Variants in MTF2 observed in about 807,000 individuals in gnomAD.
The protein encoded by MTF2 is metal response element binding transcription factor 2, also known as metal-response element-binding transcription factor 2.
In MTF2, 11 loss-of-function variants were observed where a neutral mutation model predicts 79.5. That is an observed-to-expected ratio of 0.14 (90% confidence interval 0.09 to 0.23). The LOEUF is 0.23. Among genes scored for constraint, MTF2 ranks in the 10% least tolerant of loss-of-function variants. The pLI, the probability that MTF2 is intolerant of heterozygous loss-of-function variation, is 1.00. For synonymous variants in MTF2, 208 were observed against 232.8 expected (o/e 0.89, Z 0.97); for missense variants, 486 against 711.2 (o/e 0.68, Z 3.60).
At chr1:93,103,399 GAA>G (rs1557547717) in intron 1 of MTF2, among the ~76,000 whole-genome samples, 1 of 151,466 alleles carries the variant, frequency 6.6e-6, no homozygotes, top group Non-Finnish European at 1.5e-5. Flanking sequence ...AGCAGCTGAT[GAA>G]AAGATTATTT....
chr1:93,133,152 A>T (rs1364620771), intron 11 of MTF2, among the ~76,000 whole-genome samples: 1 of 152,010 alleles, frequency 6.6e-6, no homozygotes, highest in African/African-American at 2.4e-5. Context: ...TCTCCTTTAC[A>T]TTCTGCCACT....
At chr1:93,116,323 T>C (rs924248023) in intron 6 of MTF2, among the ~76,000 whole-genome samples, 2 of 149,194 alleles carry the variant, frequency 1.3e-5, no homozygotes, top group Non-Finnish European at 3.0e-5. Context: ...TGGCCTGGAG[T>C]AGCATTTTTA....
chr1:93,120,908 T>C, intron 9 of MTF2: 1 of 1,173,412 alleles, frequency 8.5e-7, no homozygotes, highest in Non-Finnish European at 1.1e-6. Context: ...TATTATTTGA[T>C]TCTTTCATTT....
chr1:93,112,264 C>T (rs1408176363), intron 3 of MTF2, among the ~76,000 whole-genome samples: 3 of 152,120 alleles, frequency 2.0e-5, no homozygotes, highest in Non-Finnish European at 2.9e-5. Flanking sequence ...CTGAAACCTG[C>T]GTTATGGCAT....
chr1:93,090,012 T>C (rs1436458085), intron 1 of MTF2, among the ~76,000 whole-genome samples: 1 of 152,098 alleles, frequency 6.6e-6, no homozygotes, highest in African/African-American at 2.4e-5. Flanking sequence ...AGTCTCGCTC[T>C]GTCCCCCGGG....
chr1:93,133,744 C>T lies in MTF2; in HGVS notation c.1202C>T (p.Ser401Phe), dbSNP rs768160286. 1.9e-6 allele frequency: 3 copies of T among 1,611,562 alleles called. No individual in the cohort carries two copies. Among genetic ancestry groups the T allele is most frequent in the African/African-American group, 1.3e-5 (1 of 74,752 alleles). The part of the protein sequence containing the change: ...NGIEKKGKKK[S>F]VGRPPGPYTR... Reference sequence around the variant, plus strand: ...ATAGAAAAAAAAGGAAAGAAAAAATCTGTAGGTCGTCCACCTGGCCCATAT... The same window carrying T: ...ATAGAAAAAAAAGGAAAGAAAAAATTTGTAGGTCGTCCACCTGGCCCATAT... The change falls in exon 12 of 15, where the codon TCT (serine) becomes TTT (phenylalanine). Residue 401 changes from serine to phenylalanine, a missense_variant. Coordinates refer to ENST00000370298, the MANE Select transcript of MTF2 (RefSeq NM_007358.4).
At chr1:93,133,658 T>G (rs1338349951) in intron 11 of MTF2, 45 bp from the exon 12 acceptor site, 1 of 1,371,376 alleles carries the variant, frequency 7.3e-7, no homozygotes, top group South Asian at 1.3e-5. Context: ...AATGTCTTTG[T>G]TTTCTTTATG....
intron 7 of MTF2, among the ~76,000 whole-genome samples, chr1:93,118,681 T>C (rs773511479): frequency 2.0e-5 from 3 of 152,230 alleles, no homozygotes; most frequent in Non-Finnish European, 4.4e-5. Context: ...CATAGTACTC[T>C]AAAGTATTCT....
chr1:93,120,923 AAGT>A, intron 9 of MTF2: 1 of 1,154,664 alleles, frequency 8.7e-7, no homozygotes, highest in Non-Finnish European at 1.1e-6. Context: ...TCATTTTCTG[AAGT>A]GAAAGTCATT....
chr1:93,099,817 T>A (rs920182081), intron 1 of MTF2, among the ~76,000 whole-genome samples: 4 of 152,104 alleles, frequency 2.6e-5, no homozygotes, highest in African/African-American at 9.7e-5. Flanking sequence ...GATTTGAAAT[T>A]ATCATTGACA....
intron 1 of MTF2, among the ~76,000 whole-genome samples, chr1:93,085,390 G>T (rs185319935): frequency 1.3e-4 from 20 of 151,386 alleles, no homozygotes; most frequent in Non-Finnish European, 2.9e-4. Flanking sequence ...TGTTGGCCAG[G>T]ATGGTCTCGA....
rs1557553589 is a variant in MTF2, at chr1:93,115,570, A to G, written c.584A>G (p.His195Arg). 6.2e-7 allele frequency: 1 copy of G among 1,611,620 alleles called. No individual in the cohort carries two copies. The highest frequency in any genetic ancestry group is 8.5e-7 in the Non-Finnish European group (1 of 1,178,908). ...SVADLEWDAG[H>R]KTNVQQCYCY... ...GCAGACCTTGAATGGGATGCAGGTC[A>G]TAAAACCAATGTCCAGCAGTGTTAC... is the stretch of plus-strand genomic sequence containing the variant. Residue 195 changes from histidine to arginine, a missense_variant, in exon 6 of 15, where the codon CAT (histidine) becomes CGT (arginine). Physicochemically the swap from His to Arg is conservative, Grantham distance 29. This residue lies in a region of MTF2 where 177 missense variants were observed against 364.0 expected (regional missense o/e 0.49). Transcript: ENST00000370298.
intron 9 of MTF2, among the ~76,000 whole-genome samples, chr1:93,124,878 A>G (rs1656628880): frequency 6.6e-6 from 1 of 151,982 alleles, no homozygotes; most frequent in Non-Finnish European, 1.5e-5. Context: ...TCATGGTCAG[A>G]TGGAAGGTGT....
Position 93,136,807 on chromosome 1 carries a change from G to A in MTF2, c.1562G>A (p.Gly521Asp), listed in dbSNP as rs141738080. The change falls in exon 15 of 15, where the codon GGC becomes GAC. Residue 521 changes from glycine (G) to aspartate (D), a missense_variant. Coordinates refer to ENST00000370298, the MANE Select transcript of MTF2 (RefSeq NM_007358.4). ...TCAGAAATTGTAAAAGATGATGAAG[G>A]CAAAGAAGATTATCAGTTTGATGAA... Reference protein sequence around the residue: ...QNSEIVKDDEGKEDYQFDELN... With the variant: ...QNSEIVKDDEDKEDYQFDELN... The A allele has an allele frequency of 1.5e-3, 2,353 of 1,614,116 alleles. 18 individuals carry two copies. The highest frequency in any genetic ancestry group is 6.9e-3 in the South Asian group (632 of 91,084).
chr1:93,129,525 G>A (rs1048859997), intron 11 of MTF2, 77 bp downstream of exon 11: 5 of 937,486 alleles, frequency 5.3e-6, no homozygotes, highest in Middle Eastern at 5.5e-4. Context: ...AGTCTCCTTA[G>A]TATATTTGAA....
chr1:93,094,938 G>C (rs976117978), intron 1 of MTF2, among the ~76,000 whole-genome samples: 1 of 152,080 alleles, frequency 6.6e-6, no homozygotes, highest in African/African-American at 2.4e-5. Context: ...TATTTCCCTT[G>C]ATTCAATTCC....
intron 1 of MTF2, among the ~76,000 whole-genome samples, chr1:93,097,445 G>A (rs2101035551): frequency 6.6e-6 from 1 of 152,126 alleles, no homozygotes; most frequent in Non-Finnish European, 1.5e-5. Flanking sequence ...ATGTCTGTCT[G>A]TTTTACTTTT....
Position 93,116,020 on chromosome 1 carries a change from A to C in MTF2, c.632+402A>C, listed in dbSNP as rs561003444. On this transcript the variant is annotated intron_variant, in intron 6 of 14. Transcript: ENST00000370298. ...TAAAAGACAAGTTTTTTAAGACATA[A>C]AATCAACATGGAACTTTTTCACAGA... Among the ~76,000 whole-genome samples the C allele has an allele frequency of 3.3e-5, 5 of 152,280 alleles. No individual in the cohort carries two copies. The East Asian group carries it at 9.6e-4, about 29-fold the overall frequency.
intron 8 of MTF2, chr1:93,119,658 A>AG: frequency 2.9e-6 from 1 of 341,408 alleles, no homozygotes; most frequent in East Asian, 5.4e-5. Flanking sequence ...ATTCTTACTC[A>AG]TATTTCTAGT....
Sources: allele counts gnomAD v4.1 joint callset (sites outside exome capture counted in the v4.1 genomes callset), GRCh38; gene constraint gnomAD v4.1.1; regional missense constraint gnomAD v4.1.1; transcripts MANE v1.5; gene names NCBI Gene and HGNC (gene_info 2026-07-23, HGNC 2026-07-21).